Variants in MTCH2 observed in about 807,000 individuals in gnomAD.
MTCH2 encodes mitochondrial carrier homolog 2.
MTCH2 carries 25 observed loss-of-function variants against 50.6 expected under a neutral mutation model. The ratio of observed to expected loss-of-function variants is 0.49; its 90% CI spans 0.36 to 0.69. The LOEUF (loss-of-function observed/expected upper bound fraction) is 0.69, where lower values mean the gene tolerates loss of function less well. Among genes scored for constraint, MTCH2 ranks in the 30% least tolerant of loss-of-function variants. MTCH2 has a pLI of 0.00. For synonymous variants in MTCH2, 106 were observed against 132.0 expected (o/e 0.80, Z 1.35); for missense variants, 273 against 384.4 (o/e 0.71, Z 2.42).
intron 6 of MTCH2, 94 bp from the exon 7 acceptor site, chr11:47,631,181 G>T: frequency 1.0e-6 from 1 of 990,430 alleles, no homozygotes; most frequent in Non-Finnish European, 1.6e-6. Context: ...GGCCGAGGTG[G>T]GCGGATCACC....
At chr11:47,636,762 C>T (rs12794570) in intron 3 of MTCH2, among the ~76,000 whole-genome samples, 42,477 of 150,006 alleles carry the variant, frequency 0.28, 6,984 homozygotes, top group Middle Eastern at 0.38. Flanking sequence ...ACCCAAAAAA[C>T]GAAAAGGGAA....
chr11:47,630,458 C>G (rs556531805), intron 8 of MTCH2, 97 bp downstream of exon 8: 1 of 1,097,780 alleles, frequency 9.1e-7, no homozygotes, highest in Non-Finnish European at 1.4e-6. Flanking sequence ...CCAGGGAGTA[C>G]GTTTTCCCCA....
chr11:47,618,558 C>T lies in MTCH2; in HGVS notation c.*275G>A, dbSNP rs902038057. On this transcript the variant is annotated 3_prime_UTR_variant, in exon 13 of 13. Transcript: ENST00000302503. ...AAATCACATGACAAAGTGCCTGTAG[C>T]TTCAGGAAAATACAACTTTTTTTCC... The T allele has an allele frequency of 2.3e-5, 9 of 394,152 alleles. No homozygotes were observed. The Admixed American group carries it at 3.6e-4, about 16-fold the overall frequency. The allele number at this position is 394,152 out of a possible 1,614,324, so 24.4% of individuals were successfully genotyped here.
At chr11:47,632,995 C>T (rs781546947) in intron 5 of MTCH2, among the ~76,000 whole-genome samples, 2 of 151,880 alleles carry the variant, frequency 1.3e-5, no homozygotes, top group African/African-American at 2.4e-5. Context: ...CCACCACACC[C>T]GGCCTAGTCA....
intron 4 of MTCH2, 142 bp downstream of exon 4, chr11:47,635,403 A>C (rs1208408101): frequency 3.4e-6 from 3 of 886,530 alleles, no homozygotes; most frequent in Non-Finnish European, 5.4e-6. Context: ...AGAACTGTCC[A>C]AACTGGTGGC....
At chr11:47,636,187 A>G (rs1227770836) in intron 3 of MTCH2, among the ~76,000 whole-genome samples, 1 of 151,954 alleles carries the variant, frequency 6.6e-6, no homozygotes, top group Admixed American at 6.6e-5. Context: ...TAATCTCAGC[A>G]CTTTGGGAGG....
In MTCH2 at chr11:47,635,082, G is replaced by A. The variant is rs143181452; in HGVS notation, c.307-348C>T. ...GCCACCATGGGCGGCCGATCTTGACGGTTTTTATTTCTTTTGAGATAGGGT... is the reference window on the plus strand; with the variant it reads ...GCCACCATGGGCGGCCGATCTTGACAGTTTTTATTTCTTTTGAGATAGGGT... On this transcript the variant is annotated intron_variant, in intron 4 of 12. Coordinates refer to ENST00000302503, the MANE Select transcript of MTCH2 (RefSeq NM_014342.4). 8.4e-3 allele frequency among the ~76,000 whole-genome samples: 1,282 copies of A among 151,744 alleles called. 8 individuals carry two copies. The highest frequency in any genetic ancestry group is 0.015 in the Non-Finnish European group (993 of 67,838).
chr11:47,634,637 T>C (rs781045803), intron 5 of MTCH2, 35 bp downstream of exon 5: 2 of 1,537,438 alleles, frequency 1.3e-6, no homozygotes, highest in Non-Finnish European at 1.8e-6. Context: ...CAGTTTGATC[T>C]GGGCAAACAG....
intron 1 of MTCH2, 69 bp downstream of exon 1, chr11:47,642,310 C>A (rs962415048): frequency 1.5e-6 from 2 of 1,361,156 alleles, no homozygotes; most frequent in Non-Finnish European, 2.0e-6. Context: ...TGAGCCGATC[C>A]TCAGGCGCCC....
chr11:47,609,647 A>AG, the MTCH2 span, among the ~76,000 whole-genome samples: 1 of 143,684 alleles, frequency 7.0e-6, no homozygotes, highest in Non-Finnish European at 1.5e-5. Context: ...AAAAAAAAAA[A>AG]AAAAGAAAAG....
At chr11:47,604,695 G>A in the MTCH2 span, among the ~76,000 whole-genome samples, 6 of 152,140 alleles carry the variant, frequency 3.9e-5, no homozygotes, top group Non-Finnish European at 8.8e-5. Flanking sequence ...AGTAGAATAC[G>A]ATGCATCCCT....
chr11:47,626,303 C>T (rs1197645664), intron 10 of MTCH2, among the ~76,000 whole-genome samples: 1 of 150,728 alleles, frequency 6.6e-6, no homozygotes, highest in African/African-American at 2.4e-5. Context: ...GCTGGGATTA[C>T]AGGAGTGAGC....
chr11:47,608,977 A>AGT, the MTCH2 span, among the ~76,000 whole-genome samples: 1 of 143,584 alleles, frequency 7.0e-6, no homozygotes, highest in Non-Finnish European at 1.5e-5. Context: ...AAAAAAAAAA[A>AGT]AGTAGGGTGT....
the MTCH2 span, among the ~76,000 whole-genome samples, chr11:47,611,873 G>A: frequency 7.9e-5 from 12 of 152,134 alleles, no homozygotes; most frequent in Non-Finnish European, 1.5e-4. Flanking sequence ...GAGATTTGGT[G>A]CCCAGAGTAC....
intron 5 of MTCH2, among the ~76,000 whole-genome samples, chr11:47,632,496 G>A (rs959555994): frequency 1.2e-4 from 18 of 151,796 alleles, no homozygotes; most frequent in African/African-American, 4.4e-4. Flanking sequence ...TGGGACTACA[G>A]GCACCCGCCA....
At position 47,618,797 on chromosome 11, in the gene MTCH2, G is replaced by T; in HGVS notation, c.*36C>A. On this transcript the variant is annotated 3_prime_UTR_variant, in exon 13 of 13. Coordinates refer to ENST00000302503, the MANE Select transcript of MTCH2 (RefSeq NM_014342.4). ...TCTCTCCCATAATTCTGTGCATCTG[G>T]GACTACAGAAATGTCACTGTCCCTG... 9.2e-7 allele frequency: 1 copy of T among 1,085,046 alleles called. No individual in the cohort carries two copies. The highest frequency in any genetic ancestry group is 1.1e-6 in the Non-Finnish European group (1 of 901,336). The allele number at this position is 1,085,046 out of a possible 1,614,324, so 67.2% of individuals were successfully genotyped here.
intron 11 of MTCH2, among the ~76,000 whole-genome samples, chr11:47,624,012 A>G (rs2097295695): frequency 1.3e-5 from 2 of 152,164 alleles, no homozygotes; most frequent in African/African-American, 4.8e-5. Flanking sequence ...AGATCGCGCC[A>G]CCACAATCCA....
At chr11:47,608,358 AGAG>A in the MTCH2 span, among the ~76,000 whole-genome samples, 1 of 134,602 alleles carries the variant, frequency 7.4e-6, no homozygotes, top group Non-Finnish European at 1.6e-5. Flanking sequence ...TTGACCAAGG[AGAG>A]GAGAAGAACT....
chr11:47,620,072 G>A (rs1333900550), intron 12 of MTCH2, among the ~76,000 whole-genome samples: 4 of 151,588 alleles, frequency 2.6e-5, no homozygotes, highest in African/African-American at 4.9e-5. Flanking sequence ...GCAAGCCTCC[G>A]TCTCAAACAA....
Sources: allele counts gnomAD v4.1 joint callset (sites outside exome capture counted in the v4.1 genomes callset), GRCh38; gene constraint gnomAD v4.1.1; transcripts MANE v1.5; gene names NCBI Gene and HGNC (gene_info 2026-07-23, HGNC 2026-07-21).